Variants in CNBD2 observed in about 807,000 individuals in gnomAD.
The protein encoded by CNBD2 is cyclic nucleotide binding domain containing 2.
Under a neutral mutation model 63.7 loss-of-function variants are expected in CNBD2, and 64 were observed. The observed-to-expected ratio is 1.00, with a 90% CI of 0.82 to 1.24. The LOEUF (loss-of-function observed/expected upper bound fraction) is 1.24. Ranked by LOEUF, CNBD2 falls within the 50% of genes most tolerant of loss-of-function variation. The probability of loss-of-function intolerance (pLI) is 0.00; values close to 1 mark genes in which losing one functional copy is unlikely to be tolerated. For synonymous variants in CNBD2, 229 were observed against 255.4 expected (o/e 0.90, Z 0.99); for missense variants, 691 against 713.5 (o/e 0.97, Z 0.36).
Position 35,987,402 on chromosome 20 carries a change from G to A in CNBD2, c.724G>A (p.Glu242Lys), listed in dbSNP as rs746750400. Residue 242 changes from glutamate to lysine, a missense_variant, in exon 7 of 12, where the codon GAG becomes AAG. Transcript: ENST00000373973. ...AACAGGCTCTTCCCACAGGAAGATG[G>A]AGCTGTTTGCATCATGGTCTGATGA... The part of the protein sequence containing the change: ...QYRFEFFRKM[E>K]LFASWSDEKL... The A allele has an allele frequency of 2.5e-6, 4 of 1,614,056 alleles. No individual in the cohort carries two copies. Among genetic ancestry groups the A allele is most frequent in the East Asian group, 4.5e-5 (2 of 44,900 alleles).
At chr20:36,000,683 C>T (rs569752032) in intron 8 of CNBD2, among the ~76,000 whole-genome samples, 6 of 151,106 alleles carry the variant, frequency 4.0e-5, no homozygotes, top group East Asian at 1.9e-4. Flanking sequence ...CTCAGCCTCA[C>T]GAGTAGCTGG....
At chr20:35,954,500 T>A (rs1208262965), upstream of CNBD2, 2 of 1,538,416 alleles carry the variant, frequency 1.3e-6, no homozygotes, top group African/African-American at 2.7e-5. Context: ...CTGGCTTCTC[T>A]GCGTCCAGGT....
At chr20:35,965,183 C>CT (rs369573397), upstream of CNBD2, among the ~76,000 whole-genome samples, 13,106 of 138,012 alleles carry the variant, frequency 0.095, 736 homozygotes, top group South Asian at 0.15. Context: ...CCCTCTCTCT[C>CT]TTTTTTTTTT....
At chr20:35,956,857 T>G (rs2056261646), downstream of CNBD2, among the ~76,000 whole-genome samples, 1 of 152,226 alleles carries the variant, frequency 6.6e-6, no homozygotes, top group African/African-American at 2.4e-5. Flanking sequence ...TAGAAGGTAC[T>G]GCCTGTACAA....
intron 11 of CNBD2, among the ~76,000 whole-genome samples, chr20:36,024,242 G>A (rs2057256564): frequency 1.3e-5 from 2 of 152,218 alleles, no homozygotes; most frequent in African/African-American, 4.8e-5. Context: ...GGCTGAGGTA[G>A]GAGAATCGCT....
At chr20:36,023,211 C>T (rs937713878) in intron 10 of CNBD2, among the ~76,000 whole-genome samples, 3 of 152,102 alleles carry the variant, frequency 2.0e-5, no homozygotes, top group African/African-American at 7.2e-5. Context: ...TGTTTGAGGC[C>T]TTCTTTTTCC....
intron 2 of CNBD2, among the ~76,000 whole-genome samples, chr20:35,975,170 T>TG (rs2056488275): frequency 7.6e-6 from 1 of 132,412 alleles, no homozygotes; most frequent in African/African-American, 3.0e-5. Flanking sequence ...CCCGGCTAAT[T>TG]TTTTGTATTT....
intron 8 of CNBD2, among the ~76,000 whole-genome samples, chr20:36,003,709 A>G (rs2056946733): frequency 6.6e-6 from 1 of 152,062 alleles, no homozygotes; most frequent in South Asian, 2.1e-4. Flanking sequence ...AATAACAGAC[A>G]TTTACTTCTC....
intron 7 of CNBD2, among the ~76,000 whole-genome samples, chr20:35,988,030 C>T (rs1000274054): frequency 9.9e-5 from 15 of 150,904 alleles, no homozygotes; most frequent in South Asian, 2.1e-4. Flanking sequence ...CCACCATGCC[C>T]GGCTAATTTT....
chr20:35,958,679 T>C (rs1228242986), downstream of CNBD2, among the ~76,000 whole-genome samples: 1 of 152,034 alleles, frequency 6.6e-6, no homozygotes, highest in East Asian at 1.9e-4. Flanking sequence ...TGCAATTTTA[T>C]CGTGTGTGGA....
chr20:36,019,529 G>GAAAAAAA (rs60556168), intron 10 of CNBD2, among the ~76,000 whole-genome samples: 83 of 71,686 alleles, frequency 1.2e-3, no homozygotes, highest in Non-Finnish European at 1.5e-3. Flanking sequence ...CTCAAAAAAA[G>GAAAAAAA]AAAAAAAAAA....
chr20:35,974,612 G>C (rs997629981), intron 2 of CNBD2: 22 of 153,178 alleles, frequency 1.4e-4, no homozygotes, highest in African/African-American at 5.3e-4. Flanking sequence ...GTAGATGTGT[G>C]AATCTGGATG....
chr20:35,971,541 G>A (rs1030994797), intron 1 of CNBD2, among the ~76,000 whole-genome samples: 3 of 151,820 alleles, frequency 2.0e-5, no homozygotes, highest in East Asian at 1.9e-4. Flanking sequence ...TCAGCCTCCC[G>A]AGTAGCTGGG....
At chr20:36,029,154 T>A (rs1238747145) in intron 11 of CNBD2, among the ~76,000 whole-genome samples, 1 of 151,622 alleles carries the variant, frequency 6.6e-6, no homozygotes, top group Non-Finnish European at 1.5e-5. Flanking sequence ...TGTCCTAGCT[T>A]AGAATCTAGG....
chr20:35,990,161 A>G (rs1171096611), intron 7 of CNBD2, among the ~76,000 whole-genome samples: 1 of 152,178 alleles, frequency 6.6e-6, no homozygotes, highest in Non-Finnish European at 1.5e-5. Context: ...CCATGGTTGG[A>G]TAATTTATAC....
chr20:35,978,975 T>A (rs1232001174), intron 3 of CNBD2, among the ~76,000 whole-genome samples: 2 of 152,188 alleles, frequency 1.3e-5, no homozygotes, highest in African/African-American at 4.8e-5. Flanking sequence ...TTCTAAAAAT[T>A]TTACTTACAC....
intron 7 of CNBD2, among the ~76,000 whole-genome samples, chr20:35,991,001 A>G (rs905486231): frequency 3.9e-5 from 6 of 152,212 alleles, no homozygotes; most frequent in Non-Finnish European, 8.8e-5. Flanking sequence ...TATACCATTG[A>G]ACAAATGAAG....
intron 8 of CNBD2, among the ~76,000 whole-genome samples, chr20:36,001,452 C>T (rs1211832064): frequency 6.7e-6 from 1 of 150,172 alleles, no homozygotes; most frequent in Non-Finnish European, 1.5e-5. Context: ...CGGGCAGAGG[C>T]GCCCCTCACC....
chr20:35,987,656 CAG>C, intron 7 of CNBD2, 123 bp downstream of exon 7: 4 of 1,107,960 alleles, frequency 3.6e-6, no homozygotes, highest in Non-Finnish European at 5.1e-6. Flanking sequence ...ACTTCCTTCT[CAG>C]AGTTTCCATG....
Sources: allele counts gnomAD v4.1 joint callset (sites outside exome capture counted in the v4.1 genomes callset), GRCh38; gene constraint gnomAD v4.1.1; transcripts MANE v1.5; gene names NCBI Gene and HGNC (gene_info 2026-07-23, HGNC 2026-07-21).